Variants in TENM2 observed in about 807,000 individuals in gnomAD.
TENM2 encodes the protein teneurin transmembrane protein 2.
Under a neutral mutation model 245.2 loss-of-function variants are expected in TENM2, and 52 were observed. The observed-to-expected ratio is 0.21, with a 90% confidence interval of 0.17 to 0.27. The LOEUF is 0.27. TENM2 is among the 10% of genes least tolerant of loss of function. The pLI, the probability that TENM2 is intolerant of heterozygous loss-of-function variation, is 1.00. For synonymous variants in TENM2, 1,363 were observed against 1,438.9 expected, an observed-to-expected ratio of 0.95 and a Z score of 1.19; for missense variants, 3,046 against 3,666.8, an observed-to-expected ratio of 0.83 and a Z score of 4.37.
At chr5:167,624,346 T>C (rs774899838) in intron 2 of TENM2, among the ~76,000 whole-genome samples, 3 of 152,164 alleles carry the variant, frequency 2.0e-5, no homozygotes, top group Non-Finnish European at 4.4e-5. Flanking sequence ...CATGTTCTTA[T>C]TGATAATTGA....
chr5:167,613,719 C>T (rs1308803191), intron 2 of TENM2, among the ~76,000 whole-genome samples: 1 of 152,044 alleles, frequency 6.6e-6, no homozygotes, highest in Non-Finnish European at 1.5e-5. Flanking sequence ...ATACATCCTC[C>T]TGTTTGCTCC....
intron 1 of TENM2, among the ~76,000 whole-genome samples, chr5:167,367,430 T>C (rs1398797125): frequency 1.3e-5 from 2 of 152,186 alleles, no homozygotes; most frequent in Non-Finnish European, 2.9e-5. Context: ...CTTACTCTGT[T>C]GTTTTAAGCC....
the TENM2 span, among the ~76,000 whole-genome samples, chr5:167,004,896 G>A: frequency 6.6e-6 from 1 of 152,010 alleles, no homozygotes; most frequent in Non-Finnish European, 1.5e-5. Flanking sequence ...TAAGCATTCA[G>A]GCTAACCCTA....
intron 2 of TENM2, among the ~76,000 whole-genome samples, chr5:167,538,876 T>C (rs1207081419): frequency 6.6e-6 from 1 of 152,116 alleles, no homozygotes; most frequent in East Asian, 1.9e-4. Flanking sequence ...GAAGGCAAAA[T>C]AAGAGTTAGG....
chr5:168,201,290 GTA>G (rs542048256), intron 17 of TENM2, among the ~76,000 whole-genome samples: 3 of 150,788 alleles, frequency 2.0e-5, no homozygotes, highest in African/African-American at 2.4e-5. Flanking sequence ...GTGTGTGTGT[GTA>G]TATATATATA....
At chr5:167,341,282 G>A (rs2127814275) in intron 1 of TENM2, among the ~76,000 whole-genome samples, 1 of 152,214 alleles carries the variant, frequency 6.6e-6, no homozygotes, top group African/African-American at 2.4e-5. Flanking sequence ...TGAGTCATTG[G>A]TTTGTCCTAA....
the TENM2 span, among the ~76,000 whole-genome samples, chr5:167,183,178 C>A: frequency 5.9e-5 from 9 of 152,078 alleles, no homozygotes; most frequent in East Asian, 1.7e-3. Context: ...ATTAGAAATG[C>A]TGGTATGGCT....
At chr5:167,896,636 T>C (rs1451847011) in intron 3 of TENM2, among the ~76,000 whole-genome samples, 1 of 152,136 alleles carries the variant, frequency 6.6e-6, no homozygotes, top group African/African-American at 2.4e-5. Context: ...AATGTGCCCT[T>C]ATTAAAAAGC....
At chr5:167,427,214 G>T (rs1453116617) in intron 2 of TENM2, among the ~76,000 whole-genome samples, 1 of 152,182 alleles carries the variant, frequency 6.6e-6, no homozygotes, top group Non-Finnish European at 1.5e-5. Context: ...AACACTTTGG[G>T]AGGCCAAGGT....
intron 2 of TENM2, among the ~76,000 whole-genome samples, chr5:167,457,297 ATTTTATTTTATT>A (rs1250297910): frequency 1.9e-3 from 75 of 38,900 alleles, no homozygotes; most frequent in African/African-American, 9.0e-3. Flanking sequence ...ATTTTATTTT[ATTTTATTTTATT>A]TTATTTTATT....
At chr5:167,878,408 A>G (rs963053851) in intron 3 of TENM2, among the ~76,000 whole-genome samples, 1 of 152,148 alleles carries the variant, frequency 6.6e-6, no homozygotes, top group Non-Finnish European at 1.5e-5. Flanking sequence ...TGATTTCTTC[A>G]ACTGAGGGAG....
In TENM2 at chr5:167,539,636, T is replaced by C. The variant is rs1772069284; in HGVS notation, c.502+164163T>C. Reference sequence around the variant, plus strand: ...CCTAGGTTTAAAAAGTAGGACTGGTTGATCAAGCATAAAAGTGATTTATGA... The same window carrying C: ...CCTAGGTTTAAAAAGTAGGACTGGTCGATCAAGCATAAAAGTGATTTATGA... On this transcript the variant is annotated intron_variant, in intron 2 of 28. Coordinates refer to ENST00000518659, the Ensembl canonical transcript of TENM2. Among the ~76,000 whole-genome samples the C allele has an allele frequency of 5.9e-5, 9 of 152,286 alleles. No individual in the cohort carries two copies. In the South Asian group the frequency reaches 1.2e-3, roughly 21 times the overall value.
chr5:168,242,971 A>AG, intron 25 of TENM2, among the ~76,000 whole-genome samples: 1 of 148,402 alleles, frequency 6.7e-6, no homozygotes, highest in Middle Eastern at 3.4e-3. Flanking sequence ...AAAAAAAAAA[A>AG]CTTATTATTA....
chr5:168,079,707 G>T (rs1481497980), intron 7 of TENM2, among the ~76,000 whole-genome samples: 1 of 152,118 alleles, frequency 6.6e-6, no homozygotes, highest in African/African-American at 2.4e-5. Context: ...TTTGTCTTTG[G>T]TTCTGTTTAT....
At chr5:167,212,841 C>T in the TENM2 span, among the ~76,000 whole-genome samples, 1 of 152,118 alleles carries the variant, frequency 6.6e-6, no homozygotes, top group Admixed American at 6.5e-5. Flanking sequence ...AAAAATGCAC[C>T]CTACTCCATA....
At chr5:167,183,519 C>A in the TENM2 span, among the ~76,000 whole-genome samples, 2 of 152,018 alleles carry the variant, frequency 1.3e-5, no homozygotes, top group Non-Finnish European at 2.9e-5. Flanking sequence ...GCCTATCTAC[C>A]CAGAATCAGG....
chr5:166,979,986 G>T, the TENM2 span, among the ~76,000 whole-genome samples: 1 of 152,242 alleles, frequency 6.6e-6, no homozygotes, highest in African/African-American at 2.4e-5. Flanking sequence ...AGTGATTCCA[G>T]AACTACTGTA....
intron 5 of TENM2, among the ~76,000 whole-genome samples, chr5:168,040,425 G>A (rs958491322): frequency 5.3e-5 from 8 of 152,170 alleles, no homozygotes; most frequent in Non-Finnish European, 1.0e-4. Context: ...GTCGGACAGA[G>A]GCTAGTAAGC....
chr5:167,496,714 T>C (rs1164102166), intron 2 of TENM2, among the ~76,000 whole-genome samples: 1 of 152,134 alleles, frequency 6.6e-6, no homozygotes, highest in Non-Finnish European at 1.5e-5. Context: ...GCACAGACCC[T>C]CCATTGAGTT....
Sources: gnomAD v4.1 joint callset for allele counts (sites outside exome capture counted in the v4.1 genomes callset) on GRCh38, gnomAD v4.1.1 for gene constraint, MANE v1.5 for transcripts, NCBI Gene and HGNC (gene_info 2026-07-23, HGNC 2026-07-21) for gene names.